Variants in ROBO2 observed in about 807,000 individuals in gnomAD.
ROBO2 encodes the protein roundabout homolog 2.
ROBO2 carries 53 observed loss-of-function variants against 160.8 expected under a neutral mutation model. The ratio of observed to expected loss-of-function variants is 0.33; its 90% CI spans 0.26 to 0.41. ROBO2 has a LOEUF of 0.41. Among genes scored for constraint, ROBO2 ranks in the 10% least tolerant of loss-of-function variants. The pLI is 1.00. For missense variants in ROBO2, 1,577 were observed against 1,722.4 expected, an observed-to-expected ratio of 0.92 and a Z score of 1.49; for synonymous variants, 664 against 611.7, an observed-to-expected ratio of 1.09 and a Z score of -1.26.
At chr3:77,075,663 T>G (rs7651158) in intron 1 of ROBO2, among the ~76,000 whole-genome samples, 51,139 of 141,334 alleles carry the variant, frequency 0.36, 10,094 homozygotes, top group East Asian at 0.78. Flanking sequence ...TACTATTTCT[T>G]TCTTTCTCCT....
At chr3:76,089,194 T>C (rs2069131482) in intron 2 of ROBO2, among the ~76,000 whole-genome samples, 1 of 151,988 alleles carries the variant, frequency 6.6e-6, no homozygotes, top group Non-Finnish European at 1.5e-5. Context: ...TAATAGTTAA[T>C]CAGTTACCAA....
At chr3:76,861,619 A>G (rs2070787458) in intron 2 of ROBO2, among the ~76,000 whole-genome samples, 1 of 152,062 alleles carries the variant, frequency 6.6e-6, no homozygotes, top group South Asian at 2.1e-4. Flanking sequence ...TATTTCTCAA[A>G]TCTTCATTTC....
intron 2 of ROBO2, among the ~76,000 whole-genome samples, chr3:76,068,269 C>G (rs2107938471): frequency 6.6e-6 from 1 of 152,250 alleles, no homozygotes; most frequent in African/African-American, 2.4e-5. Context: ...ACAGTGAGAG[C>G]AGAAGGAGAC....
At chr3:77,121,710 G>A (rs973518406) in intron 2 of ROBO2, among the ~76,000 whole-genome samples, 1 of 152,046 alleles carries the variant, frequency 6.6e-6, no homozygotes, top group Non-Finnish European at 1.5e-5. Context: ...TTATATATTA[G>A]TGTTGGAATT....
intron 2 of ROBO2, among the ~76,000 whole-genome samples, chr3:76,941,889 G>T (rs772829663): frequency 3.9e-5 from 6 of 152,156 alleles, no homozygotes; most frequent in Admixed American, 6.6e-5. Flanking sequence ...ATGTTTTTAA[G>T]TTGGAGAATA....
At chr3:77,335,370 G>A (rs1285662007) in intron 2 of ROBO2, among the ~76,000 whole-genome samples, 3 of 152,056 alleles carry the variant, frequency 2.0e-5, no homozygotes, top group Admixed American at 6.6e-5. Context: ...TCACATCACC[G>A]CACTCCAGCC....
intron 2 of ROBO2, among the ~76,000 whole-genome samples, chr3:76,776,414 A>G (rs2062265042): frequency 4.0e-5 from 6 of 151,024 alleles, no homozygotes; most frequent in Admixed American, 4.0e-4. Context: ...TGTTTAGCTC[A>G]TATAAATAAG....
Position 76,753,828 on chromosome 3 carries a change from T to G in ROBO2, c.110-344186T>G, listed in dbSNP as rs113651965. Among the ~76,000 whole-genome samples, 941 of 151,940 alleles carry G rather than the reference T, an allele frequency of 6.2e-3. 7 individuals carry two copies. The highest frequency in any genetic ancestry group is 0.011 in the Non-Finnish European group (726 of 67,876). ...TACAGGCAAAGTAATTTCTCTGGAGTTGATAGTTTCAGGACTGGCTCTCAA... is the reference window on the plus strand; with the variant it reads ...TACAGGCAAAGTAATTTCTCTGGAGGTGATAGTTTCAGGACTGGCTCTCAA... On this transcript the variant is annotated intron_variant, in intron 2 of 26. Transcript: ENST00000487694.
At chr3:76,499,280 A>T (rs1164957833) in intron 2 of ROBO2, among the ~76,000 whole-genome samples, 1 of 152,204 alleles carries the variant, frequency 6.6e-6, no homozygotes, top group East Asian at 1.9e-4. Context: ...AATATAATAC[A>T]GGAATAAAAA....
At chr3:77,179,659 G>A (rs373997570) in intron 2 of ROBO2, among the ~76,000 whole-genome samples, 12 of 151,932 alleles carry the variant, frequency 7.9e-5, no homozygotes, top group Admixed American at 7.2e-4. Flanking sequence ...TCTATGTCCC[G>A]TTTCTTTTAA....
chr3:76,739,913 G>A, intron 2 of ROBO2, among the ~76,000 whole-genome samples: 1 of 152,108 alleles, frequency 6.6e-6, no homozygotes, highest in East Asian at 1.9e-4. Context: ...AAATTCCAGT[G>A]TTTAAGTTTT....
chr3:76,321,103 T>C (rs969331635), intron 2 of ROBO2, among the ~76,000 whole-genome samples: 2 of 152,134 alleles, frequency 1.3e-5, no homozygotes, highest in Non-Finnish European at 2.9e-5. Flanking sequence ...TAGAAAAATA[T>C]ATTGTACAAT....
intron 1 of ROBO2, among the ~76,000 whole-genome samples, chr3:77,084,659 A>T (rs572574797): frequency 6.6e-6 from 1 of 151,002 alleles, no homozygotes; most frequent in Non-Finnish European, 1.5e-5. Context: ...GATCAGTTTC[A>T]TTTGATCCCT....
intron 2 of ROBO2, among the ~76,000 whole-genome samples, chr3:77,342,150 C>A (rs550339716): frequency 3.0e-3 from 458 of 152,204 alleles, no homozygotes; most frequent in African/African-American, 0.011. Context: ...TGTGTTCTAA[C>A]CCTTTTCATG....
chr3:76,330,009 CAT>C (rs1452722636), intron 2 of ROBO2, among the ~76,000 whole-genome samples: 1 of 151,942 alleles, frequency 6.6e-6, no homozygotes, highest in Non-Finnish European at 1.5e-5. Context: ...AGTGTGAAAA[CAT>C]AGTACTTAAA....
At chr3:76,531,144 G>C (rs567209192) in intron 2 of ROBO2, among the ~76,000 whole-genome samples, 1 of 152,248 alleles carries the variant, frequency 6.6e-6, no homozygotes, top group Admixed American at 6.5e-5. Flanking sequence ...AGAGAAAGAA[G>C]TATATATCAA....
chr3:77,069,874 T>A (rs9829089), intron 1 of ROBO2, among the ~76,000 whole-genome samples: 5,303 of 152,156 alleles, frequency 0.035, 316 homozygotes, highest in African/African-American at 0.12. Flanking sequence ...TTGAATTGTG[T>A]CCCTCCAAAA....
intron 2 of ROBO2, among the ~76,000 whole-genome samples, chr3:77,338,216 G>T (rs138361609): frequency 5.8e-4 from 89 of 152,248 alleles, no homozygotes; most frequent in African/African-American, 2.0e-3. Flanking sequence ...TTTGTTTGGA[G>T]ATAGTATTTT....
At chr3:76,028,343 C>T (rs765239026) in intron 2 of ROBO2, among the ~76,000 whole-genome samples, 1 of 151,812 alleles carries the variant, frequency 6.6e-6, no homozygotes, top group African/African-American at 2.4e-5. Flanking sequence ...TTAGGCCACT[C>T]ATAATGACAA....
Sources: allele counts gnomAD v4.1 joint callset (sites outside exome capture counted in the v4.1 genomes callset), GRCh38; gene constraint gnomAD v4.1.1; transcripts MANE v1.5; gene names NCBI Gene and HGNC (gene_info 2026-07-23, HGNC 2026-07-21).